TEK: variants seen among roughly 807,000 people sequenced by gnomAD.
The protein encoded by TEK is TEK receptor tyrosine kinase.
Under a neutral mutation model 131.8 loss-of-function variants are expected in TEK, and 43 were observed. That is an observed-to-expected ratio of 0.33 (90% CI 0.26 to 0.42). The LOEUF is 0.42. Among genes scored for constraint, TEK ranks in the 10% least tolerant of loss-of-function variants. The probability of loss-of-function intolerance (pLI) is 1.00; values close to 1 mark genes in which losing one functional copy is unlikely to be tolerated. For synonymous variants in TEK, 580 were observed against 491.6 expected (o/e 1.18, Z -2.38); for missense variants, 1,162 against 1,384.4 (o/e 0.84, Z 2.55).
intron 1 of TEK, among the ~76,000 whole-genome samples, chr9:27,150,279 C>G (rs1342090621): frequency 6.6e-6 from 1 of 152,184 alleles, no homozygotes; most frequent in Admixed American, 6.5e-5. Context: ...ACCAACTGGT[C>G]TCTTTTCTAT....
At chr9:27,229,016 G>T (rs1190380316) in intron 22 of TEK, 142 bp from the exon 23 acceptor site, 2 of 754,036 alleles carry the variant, frequency 2.7e-6, no homozygotes, top group East Asian at 2.5e-5. Context: ...TACAACAGAG[G>T]GACTGAGGAC....
intron 18 of TEK, among the ~76,000 whole-genome samples, chr9:27,217,094 G>T (rs1249557019): frequency 1.3e-5 from 2 of 152,208 alleles, no homozygotes; most frequent in Non-Finnish European, 2.9e-5. Context: ...GAAAGGATCA[G>T]TATGTCTCCA....
chr9:27,184,887 A>G (rs570126139), intron 8 of TEK, among the ~76,000 whole-genome samples: 1 of 152,244 alleles, frequency 6.6e-6, no homozygotes, highest in South Asian at 2.1e-4. Context: ...AAATAAAAAA[A>G]GAATTAGCTG....
At position 27,204,939 on chromosome 9, in the gene TEK, G is replaced by C; in HGVS notation, c.2238G>C (p.Met746Ile). The change falls in exon 14 of 23, where the codon ATG becomes ATC. Residue 746 changes from methionine to isoleucine, a missense_variant. Met to Ile is a conservative substitution (Grantham distance 10). Coordinates refer to ENST00000380036, the MANE Select transcript of TEK (RefSeq NM_000459.5). ...QAPADLGGGK[M>I]LLIAILGSAG... The stretch of plus-strand genomic sequence containing the variant: ...CAGCGGACCTCGGAGGGGGGAAGAT[G>C]CTGCTTATAGCCATCCTTGGCTCTG... The C allele has an allele frequency of 6.2e-7, 1 of 1,614,032 alleles. No individual in the cohort carries two copies. The highest frequency in any genetic ancestry group is 8.5e-7 in the Non-Finnish European group (1 of 1,179,904).
intron 11 of TEK, 93 bp from the exon 12 acceptor site, chr9:27,197,222 G>C: frequency 1.4e-6 from 2 of 1,402,952 alleles, no homozygotes; most frequent in Non-Finnish European, 2.0e-6. Flanking sequence ...TCCAACACTG[G>C]GGATTACATT....
chr9:27,171,444 C>T (rs962007003), intron 4 of TEK, among the ~76,000 whole-genome samples: 5 of 152,128 alleles, frequency 3.3e-5, no homozygotes, highest in African/African-American at 1.2e-4. Flanking sequence ...AATCCGTGTC[C>T]TTTGGGTCAT....
intron 1 of TEK, among the ~76,000 whole-genome samples, chr9:27,147,403 T>C (rs1177772973): frequency 6.6e-6 from 1 of 152,130 alleles, no homozygotes; most frequent in Non-Finnish European, 1.5e-5. Context: ...GTGTCTCAAA[T>C]CTTTTGCTCA....
chr9:27,143,962 A>G lies in TEK; in HGVS notation c.53-13869A>G, dbSNP rs553435623. Among the ~76,000 whole-genome samples, 90 of 152,328 alleles carry G rather than the reference A, an allele frequency of 5.9e-4. 1 individual carries two copies. The South Asian group carries it at 0.018, about 31-fold the overall frequency. On this transcript the variant is annotated intron_variant, in intron 1 of 22. Coordinates refer to ENST00000380036, the MANE Select transcript of TEK (RefSeq NM_000459.5). The stretch of plus-strand genomic sequence containing the variant: ...AGAAGAGAAGTGTTGGAGGAAGGCA[A>G]TGCAGACAGGGAGTATAGCTCATGA...
intron 21 of TEK, among the ~76,000 whole-genome samples, chr9:27,227,403 A>T (rs1362897762): frequency 1.3e-5 from 2 of 152,166 alleles, no homozygotes; most frequent in African/African-American, 2.4e-5. Context: ...TACTTTGGAA[A>T]CTTTGTGTTA....
intron 11 of TEK, chr9:27,195,783 G>A (rs150758316): frequency 6.9e-6 from 3 of 433,148 alleles, no homozygotes; most frequent in African/African-American, 2.1e-5. Context: ...TTACTCCTGA[G>A]TCTGGAAGAT....
chr9:27,114,930 C>G (rs915532913), intron 1 of TEK, among the ~76,000 whole-genome samples: 1 of 152,108 alleles, frequency 6.6e-6, no homozygotes, highest in African/African-American at 2.4e-5. Context: ...ACTCATCTAT[C>G]CTTTCAATAA....
intron 9 of TEK, 71 bp from the exon 10 acceptor site, chr9:27,190,458 T>C: frequency 6.3e-7 from 1 of 1,585,240 alleles, no homozygotes; most frequent in Non-Finnish European, 8.6e-7. Context: ...ACATATCTTC[T>C]ACCTCTACCT....
chr9:27,212,747 C>T lies in TEK; in HGVS notation c.2727C>T (p.Asn909=). 1.9e-6 allele frequency: 3 copies of T among 1,614,168 alleles called. No individual in the cohort carries two copies. The highest frequency in any genetic ancestry group is 2.7e-5 in the African/African-American group (2 of 75,042). ...CCATTGAGTACGCGCCCCATGGAAA[C>T]CTTCTGGACTTCCTTCGCAAGAGCC... ...YLAIEYAPHG[N]LLDFLRKSRV... is the part of the protein sequence containing the mutation. The change falls in exon 17 of 23, where the codon AAC becomes AAT. Residue 909 remains asparagine (N), a synonymous_variant. Coordinates refer to ENST00000380036, the MANE Select transcript of TEK (RefSeq NM_000459.5).
intron 9 of TEK, among the ~76,000 whole-genome samples, chr9:27,189,574 C>T (rs762185918): frequency 1.4e-4 from 22 of 152,108 alleles, no homozygotes; most frequent in Non-Finnish European, 2.9e-4. Flanking sequence ...TCCCTTGAGT[C>T]ATTCAAAGTA....
At position 27,114,596 on chromosome 9, in the gene TEK, A is replaced by G. The variant is rs1821477920; in HGVS notation, c.52+4954A>G. 2.6e-5 allele frequency among the ~76,000 whole-genome samples: 4 copies of G among 152,102 alleles called. No individual in the cohort carries two copies. In the East Asian group the frequency reaches 7.7e-4, roughly 29 times the overall value. On this transcript the variant is annotated intron_variant, in intron 1 of 22. Transcript: ENST00000380036. ...AAAAAAAAATAAAAAAAAATTTAAT[A>G]TTAGGTTGGTGAAAAGTAGTGGTAA...
At chr9:27,219,285 T>G (rs1270983208) in intron 20 of TEK, among the ~76,000 whole-genome samples, 1 of 152,208 alleles carries the variant, frequency 6.6e-6, no homozygotes. Flanking sequence ...ATATACACCG[T>G]GGAATACTAT....
intron 10 of TEK, chr9:27,192,106 G>A (rs531704896): frequency 5.3e-6 from 2 of 378,874 alleles, no homozygotes; most frequent in Admixed American, 3.7e-5. Flanking sequence ...TTTTTCTCTC[G>A]ATAGCTTGAT....
intron 6 of TEK, among the ~76,000 whole-genome samples, chr9:27,175,788 T>G (rs1456625940): frequency 6.6e-6 from 1 of 152,258 alleles, no homozygotes; most frequent in Non-Finnish European, 1.5e-5. Flanking sequence ...AATGTCTTCT[T>G]TAGAGAAGTG....
At chr9:27,142,720 G>A (rs980442485) in intron 1 of TEK, among the ~76,000 whole-genome samples, 3 of 152,294 alleles carry the variant, frequency 2.0e-5, no homozygotes, top group South Asian at 2.1e-4. Context: ...AACTTTGTTA[G>A]GAAAAAGGAA....
Sources: allele counts gnomAD v4.1 joint callset (sites outside exome capture counted in the v4.1 genomes callset), GRCh38; gene constraint gnomAD v4.1.1; transcripts MANE v1.5; gene names NCBI Gene and HGNC (gene_info 2026-07-23, HGNC 2026-07-21).